VPS26A: variants seen among roughly 807,000 people sequenced by gnomAD.
VPS26A encodes vacuolar protein sorting-associated protein 26A.
In VPS26A, 22 loss-of-function variants were observed where a neutral mutation model predicts 42.4. That is an observed-to-expected ratio of 0.52 (90% confidence interval 0.37 to 0.74). The LOEUF (loss-of-function observed/expected upper bound fraction) is 0.74, where lower values mean the gene tolerates loss of function less well. Ranked by LOEUF, VPS26A falls within the 30% of genes least tolerant of loss-of-function variation. The pLI is 0.00. For synonymous variants in VPS26A, 110 were observed against 123.5 expected (o/e 0.89, Z 0.73); for missense variants, 276 against 379.2 (o/e 0.73, Z 2.26).
In VPS26A at chr10:69,172,761, A is replaced by G. The variant is rs1299862029; in HGVS notation, c.*1492A>G. The G allele has an allele frequency of 6.5e-6, 1 of 152,676 alleles. No individual in the cohort carries two copies. Among genetic ancestry groups the G allele is most frequent in the East Asian group, 1.9e-4 (1 of 5,204 alleles). The allele number at this position is 152,676 out of a possible 1,614,324, so 9.5% of individuals were successfully genotyped here. A position where few individuals can be genotyped will look rare whatever the true frequency, so the allele number is the denominator to read the frequency against. Reference sequence around the variant, plus strand: ...AATATTTTCATGGTCATTTGCATGTAGTAAGCCAGAAAATATTCAAAGAGA... The same window carrying G: ...AATATTTTCATGGTCATTTGCATGTGGTAAGCCAGAAAATATTCAAAGAGA... On this transcript the variant is annotated 3_prime_UTR_variant, in exon 9 of 9. Transcript: ENST00000263559.
At chr10:69,132,204 A>G (rs1023734209) in intron 1 of VPS26A, among the ~76,000 whole-genome samples, 1 of 152,226 alleles carries the variant, frequency 6.6e-6, no homozygotes, top group Non-Finnish European at 1.5e-5. Context: ...CTCATAAATA[A>G]AAGTATAAAT....
At chr10:69,163,325 G>C (rs1841604735) in intron 6 of VPS26A, among the ~76,000 whole-genome samples, 2 of 152,146 alleles carry the variant, frequency 1.3e-5, no homozygotes, top group South Asian at 4.1e-4. Context: ...TCACTATGTT[G>C]CCCAGGCTAG....
intron 2 of VPS26A, among the ~76,000 whole-genome samples, chr10:69,143,848 C>G (rs1190590165): frequency 6.6e-6 from 1 of 152,092 alleles, no homozygotes; most frequent in Admixed American, 6.6e-5. Flanking sequence ...TCCCAAGTAG[C>G]TCAGACAACA....
chr10:69,171,142 C>G lies in VPS26A; in HGVS notation c.871-14C>G, dbSNP rs370107237. On this transcript the variant is annotated splice_polypyrimidine_tract_variant and intron_variant, in intron 8 of 8. Transcript: ENST00000263559. ...CAAACATTAATTTGTTAATATCTTG[C>G]ATTTGTTTACTAGGAGATAATTTTA... is the stretch of plus-strand genomic sequence containing the variant. 7.5e-6 allele frequency: 12 copies of G among 1,589,844 alleles called. No homozygotes were observed. The highest frequency in any genetic ancestry group is 6.8e-5 in the South Asian group (6 of 88,702).
At chr10:69,135,231 T>C (rs1589346591) in intron 2 of VPS26A, among the ~76,000 whole-genome samples, 1 of 152,246 alleles carries the variant, frequency 6.6e-6, no homozygotes, top group Admixed American at 6.5e-5. Flanking sequence ...CATGATAGTG[T>C]TGATTATATA....
intron 2 of VPS26A, among the ~76,000 whole-genome samples, chr10:69,148,062 T>C (rs1841202968): frequency 6.6e-6 from 1 of 152,140 alleles, no homozygotes; most frequent in Non-Finnish European, 1.5e-5. Flanking sequence ...TAGGTATTGC[T>C]GAGAATTTTT....
intron 1 of VPS26A, among the ~76,000 whole-genome samples, chr10:69,132,341 G>GT (rs67879780): frequency 0.042 from 6,202 of 149,120 alleles, 374 homozygotes; most frequent in African/African-American, 0.13. Context: ...TTTGTTTAGG[G>GT]TTTTTTTTTT....
intron 6 of VPS26A, 93 bp from the exon 7 acceptor site, chr10:69,165,949 A>C (rs1156800115): frequency 7.0e-6 from 9 of 1,291,960 alleles, no homozygotes; most frequent in Non-Finnish European, 9.8e-6. Flanking sequence ...CCGTCTCTAA[A>C]AAAAAATAAT....
At chr10:69,133,673 G>GT in intron 2 of VPS26A, 2 of 1,154,898 alleles carry the variant, frequency 1.7e-6, no homozygotes, top group Non-Finnish European at 2.3e-6. Context: ...GGTTTTTTGG[G>GT]TTTTTTGTTT....
chr10:69,155,190 C>G (rs1036100122), intron 2 of VPS26A, among the ~76,000 whole-genome samples: 1 of 151,970 alleles, frequency 6.6e-6, no homozygotes, highest in Admixed American at 6.6e-5. Flanking sequence ...GAATTTAAAT[C>G]TTTAGGCATT....
At chr10:69,154,915 A>G (rs1165177161) in intron 2 of VPS26A, among the ~76,000 whole-genome samples, 1 of 151,766 alleles carries the variant, frequency 6.6e-6, no homozygotes, top group Non-Finnish European at 1.5e-5. Context: ...ACATATATAT[A>G]TTTTTTTTTT....
intron 7 of VPS26A, among the ~76,000 whole-genome samples, chr10:69,167,615 T>G (rs956139590): frequency 6.6e-6 from 1 of 151,044 alleles, no homozygotes; most frequent in Non-Finnish European, 1.5e-5. Flanking sequence ...TGGTGGCAGG[T>G]GCCTGTAATC....
chr10:69,146,129 C>G (rs1564678477), intron 2 of VPS26A, among the ~76,000 whole-genome samples: 1 of 152,158 alleles, frequency 6.6e-6, no homozygotes, highest in Admixed American at 6.6e-5. Flanking sequence ...GAGTCTCGCT[C>G]TGTCACCCAC....
intron 1 of VPS26A, among the ~76,000 whole-genome samples, chr10:69,125,067 T>C (rs1840620651): frequency 6.6e-6 from 1 of 152,188 alleles, no homozygotes; most frequent in African/African-American, 2.4e-5. Flanking sequence ...GTCTCTAGGT[T>C]AGATCTCATT....
intron 2 of VPS26A, among the ~76,000 whole-genome samples, chr10:69,137,910 T>C (rs1055433001): frequency 1.3e-5 from 2 of 151,614 alleles, no homozygotes; most frequent in African/African-American, 4.9e-5. Context: ...CCATTTTAAG[T>C]GTGCTTAAAA....
chr10:69,134,359 G>A (rs760150980), intron 2 of VPS26A, among the ~76,000 whole-genome samples: 2 of 152,092 alleles, frequency 1.3e-5, no homozygotes, highest in African/African-American at 2.4e-5. Flanking sequence ...TATGGACATC[G>A]GTATACGTAA....
intron 5 of VPS26A, among the ~76,000 whole-genome samples, chr10:69,159,469 A>T (rs7097966): frequency 6.6e-6 from 1 of 152,114 alleles, no homozygotes; most frequent in African/African-American, 2.4e-5. Flanking sequence ...AAATTTAGCC[A>T]TAAAAACAGC....
chr10:69,127,377 C>G (rs1053737216), intron 1 of VPS26A, among the ~76,000 whole-genome samples: 1 of 151,392 alleles, frequency 6.6e-6, no homozygotes, highest in Non-Finnish European at 1.5e-5. Flanking sequence ...CACGGTGAAA[C>G]CCCGTCTCCA....
At chr10:69,165,696 A>G (rs1166568110) in intron 6 of VPS26A, among the ~76,000 whole-genome samples, 1 of 151,908 alleles carries the variant, frequency 6.6e-6, no homozygotes, top group Non-Finnish European at 1.5e-5. Flanking sequence ...TGTAGTCCCA[A>G]CTACTCTGGA....
Sources: gnomAD v4.1 joint callset for allele counts (sites outside exome capture counted in the v4.1 genomes callset) on GRCh38, gnomAD v4.1.1 for gene constraint, MANE v1.5 for transcripts, NCBI Gene and HGNC (gene_info 2026-07-23, HGNC 2026-07-21) for gene names.